GRM8: variants seen among roughly 807,000 people sequenced by gnomAD.
GRM8 encodes the protein metabotropic glutamate receptor 8.
A neutral mutation model predicts 87.2 loss-of-function variants in GRM8; 47 were observed. The ratio of observed to expected loss-of-function variants is 0.54; its 90% confidence interval spans 0.43 to 0.69. The LOEUF is 0.69. Ranked by LOEUF, GRM8 falls within the 30% of genes least tolerant of loss-of-function variation. GRM8 has a pLI of 0.00. For synonymous variants in GRM8, 396 were observed against 404.5 expected (o/e 0.98, Z 0.25); for missense variants, 1,019 against 1,139.2 (o/e 0.89, Z 1.52).
rs537215001 is a variant in GRM8, at chr7:127,038,256, C to G, written c.727+68240G>C. 2.0e-5 allele frequency among the ~76,000 whole-genome samples: 3 copies of G among 152,108 alleles called. No homozygotes were observed. In the East Asian group the frequency reaches 5.8e-4, roughly 29 times the overall value. On this transcript the variant is annotated intron_variant, in intron 3 of 10. Transcript: ENST00000339582. The stretch of plus-strand genomic sequence containing the variant: ...AAATTGATAATCTAGCTGTGGAGAC[C>G]AGAGTTTGTACACATACCTGAAGCC...
At chr7:126,591,046 T>A (rs142736141) in intron 8 of GRM8, among the ~76,000 whole-genome samples, 10 of 152,236 alleles carry the variant, frequency 6.6e-5, no homozygotes, top group African/African-American at 2.4e-4. Flanking sequence ...ACATTGAATG[T>A]AAATGACTTA....
chr7:127,137,717 A>G (rs1160290171), intron 2 of GRM8, among the ~76,000 whole-genome samples: 4 of 151,254 alleles, frequency 2.6e-5, no homozygotes, highest in Non-Finnish European at 5.9e-5. Flanking sequence ...CTTTGCTATT[A>G]AAAAAAAATA....
intron 9 of GRM8, among the ~76,000 whole-genome samples, chr7:126,531,710 C>A (rs1181828330): frequency 6.6e-6 from 1 of 152,174 alleles, no homozygotes; most frequent in African/African-American, 2.4e-5. Context: ...TCTTCAGCAG[C>A]AAGTTTGCTG....
At position 126,581,017 on chromosome 7, in the gene GRM8, C is replaced by G. The variant is rs1795560563; in HGVS notation, c.1494+28345G>C. ...TCCCTAAACTTATTTGACCAGGAAG[C>G]CTTTTTATGCATATATAGTAGCTAC... On this transcript the variant is annotated intron_variant, in intron 8 of 10. Transcript: ENST00000339582. Among the ~76,000 whole-genome samples the G allele has an allele frequency of 2.0e-5, 3 of 152,018 alleles. No homozygotes were observed. The South Asian group carries it at 6.2e-4, about 32-fold the overall frequency.
intron 7 of GRM8, among the ~76,000 whole-genome samples, chr7:126,695,492 G>T (rs1227035881): frequency 6.6e-6 from 1 of 152,062 alleles, no homozygotes; most frequent in East Asian, 1.9e-4. Flanking sequence ...AAGAATTCCT[G>T]GATAATGTGC....
chr7:126,930,246 T>C (rs1264758096), intron 3 of GRM8, among the ~76,000 whole-genome samples: 1 of 152,246 alleles, frequency 6.6e-6, no homozygotes, highest in African/African-American at 2.4e-5. Flanking sequence ...ACTTAACTTC[T>C]CTGTGCCTGT....
chr7:127,220,281 C>T (rs1440413147), intron 2 of GRM8, among the ~76,000 whole-genome samples: 3 of 152,096 alleles, frequency 2.0e-5, no homozygotes, highest in African/African-American at 7.2e-5. Context: ...TCATATGCCT[C>T]CTCCACTGAC....
At chr7:126,956,136 A>T (rs1316456856) in intron 3 of GRM8, among the ~76,000 whole-genome samples, 1 of 152,214 alleles carries the variant, frequency 6.6e-6, no homozygotes, top group Admixed American at 6.5e-5. Context: ...CTTTGGGAAC[A>T]AAAATGTATA....
intron 6 of GRM8, among the ~76,000 whole-genome samples, chr7:126,886,659 C>T (rs1267381643): frequency 2.6e-5 from 4 of 152,246 alleles, no homozygotes; most frequent in Admixed American, 6.5e-5. Flanking sequence ...TTACTGCCTA[C>T]GTGTTTTCTG....
intron 7 of GRM8, among the ~76,000 whole-genome samples, chr7:126,706,490 G>T (rs1045274512): frequency 1.3e-5 from 2 of 152,112 alleles, no homozygotes; most frequent in Admixed American, 6.6e-5. Context: ...CTTGGAGAAG[G>T]TCAGCCATTT....
intron 6 of GRM8, among the ~76,000 whole-genome samples, chr7:126,838,682 C>A (rs571191744): frequency 2.6e-5 from 4 of 152,228 alleles, no homozygotes; most frequent in African/African-American, 9.6e-5. Context: ...GAATATTATT[C>A]CAGATCTGTA....
intron 7 of GRM8, among the ~76,000 whole-genome samples, chr7:126,628,702 A>G (rs1225743858): frequency 6.6e-6 from 1 of 152,234 alleles, no homozygotes; most frequent in Non-Finnish European, 1.5e-5. Context: ...GTTATTCAGG[A>G]GGAATGAGAA....
At chr7:127,171,137 A>C (rs1793775891) in intron 2 of GRM8, among the ~76,000 whole-genome samples, 1 of 152,212 alleles carries the variant, frequency 6.6e-6, no homozygotes, top group Non-Finnish European at 1.5e-5. Flanking sequence ...GATGTGATGC[A>C]AATAGCAAGA....
At chr7:126,901,277 G>A (rs1273997103) in intron 6 of GRM8, among the ~76,000 whole-genome samples, 4 of 152,052 alleles carry the variant, frequency 2.6e-5, no homozygotes, top group South Asian at 2.1e-4. Context: ...CTCCTCTGGC[G>A]AGGCATACTC....
intron 2 of GRM8, among the ~76,000 whole-genome samples, chr7:127,232,210 T>G (rs377033088): frequency 6.8e-6 from 1 of 146,012 alleles, no homozygotes; most frequent in South Asian, 2.2e-4. Flanking sequence ...TGTGTGTGTG[T>G]GTGAGAGAGA....
intron 6 of GRM8, among the ~76,000 whole-genome samples, chr7:126,879,767 G>C (rs1325454605): frequency 2.6e-5 from 4 of 151,976 alleles, no homozygotes; most frequent in African/African-American, 9.7e-5. Context: ...ATATTTTGTG[G>C]CTATCTGAAA....
Position 127,007,524 on chromosome 7 carries a change from T to C in GRM8, c.727+98972A>G, listed in dbSNP as rs1814438774. Among the ~76,000 whole-genome samples the C allele has an allele frequency of 2.0e-5, 3 of 152,206 alleles. No individual in the cohort carries two copies. The South Asian group carries it at 6.2e-4, about 32-fold the overall frequency. ...ATTTTTACTATTAACTTTTGACTTC[T>C]AGCAATGTTTTATCACTAGTGGATT... On this transcript the variant is annotated intron_variant, in intron 3 of 10. Coordinates refer to ENST00000339582, the MANE Select transcript of GRM8 (RefSeq NM_000845.3).
At chr7:126,729,819 T>C (rs1419589686) in intron 7 of GRM8, among the ~76,000 whole-genome samples, 1 of 152,138 alleles carries the variant, frequency 6.6e-6, no homozygotes, top group Non-Finnish European at 1.5e-5. Context: ...TAAATGTCTC[T>C]CAAGTATTGA....
chr7:126,808,229 AACAAG>A (rs1792960201), intron 6 of GRM8, among the ~76,000 whole-genome samples: 2 of 152,356 alleles, frequency 1.3e-5, no homozygotes, highest in East Asian at 1.9e-4. Context: ...TCAGAACCCA[AACAAG>A]ACAAGACCCA....
Sources: allele counts gnomAD v4.1 joint callset (sites outside exome capture counted in the v4.1 genomes callset), GRCh38; gene constraint gnomAD v4.1.1; transcripts MANE v1.5; gene names NCBI Gene and HGNC (gene_info 2026-07-23, HGNC 2026-07-21).